The following PIP5K1B variants were observed in gnomAD, a reference collection of about 807,000 sequenced individuals.
PIP5K1B encodes the protein phosphatidylinositol 4-phosphate 5-kinase type-1 beta.
A neutral mutation model predicts 67.0 loss-of-function variants in PIP5K1B; 42 were observed. The observed-to-expected ratio is 0.63, with a 90% CI of 0.49 to 0.81. PIP5K1B has a LOEUF of 0.81. Among genes scored for constraint, PIP5K1B ranks in the 30% least tolerant of loss-of-function variants. The probability of loss-of-function intolerance (pLI) is 0.00; values close to 1 mark genes in which losing one functional copy is unlikely to be tolerated. For missense variants in PIP5K1B, 459 were observed against 646.3 expected (o/e 0.71, Z 3.14); for synonymous variants, 214 against 231.4 (o/e 0.92, Z 0.68).
At chr9:68,805,135 C>T (rs938917216) in intron 2 of PIP5K1B, among the ~76,000 whole-genome samples, 1 of 152,168 alleles carries the variant, frequency 6.6e-6, no homozygotes, top group African/African-American at 2.4e-5. Context: ...ACTGTTGGTG[C>T]AGGCAAGAGG....
At chr9:68,718,505 A>G (rs1417213808) in intron 1 of PIP5K1B, among the ~76,000 whole-genome samples, 1 of 152,204 alleles carries the variant, frequency 6.6e-6, no homozygotes, top group Non-Finnish European at 1.5e-5. Context: ...TTCATTGGCC[A>G]CTGAAGCACA....
intron 2 of PIP5K1B, chr9:68,779,939 A>T: frequency 4.0e-6 from 2 of 495,476 alleles, no homozygotes. Flanking sequence ...TAGCGGCCCG[A>T]CCACTCCTCG....
At chr9:68,732,064 G>A (rs1828463557) in intron 1 of PIP5K1B, among the ~76,000 whole-genome samples, 1 of 152,196 alleles carries the variant, frequency 6.6e-6, no homozygotes, top group Admixed American at 6.5e-5. Flanking sequence ...TGGGGCTGCT[G>A]TGAACTAGTC....
chr9:68,754,415 C>T (rs557624501), intron 2 of PIP5K1B, among the ~76,000 whole-genome samples: 20 of 151,900 alleles, frequency 1.3e-4, no homozygotes, highest in African/African-American at 3.9e-4. Flanking sequence ...GTGATTCACC[C>T]GCCTCAGCCT....
At chr9:68,914,994 C>T (rs192744315) in intron 8 of PIP5K1B, among the ~76,000 whole-genome samples, 6 of 152,252 alleles carry the variant, frequency 3.9e-5, no homozygotes, top group African/African-American at 4.8e-5. Context: ...GATGAGTCAC[C>T]GTGAATTATA....
At chr9:68,988,754 T>G (rs989541378) in intron 14 of PIP5K1B, among the ~76,000 whole-genome samples, 1 of 151,958 alleles carries the variant, frequency 6.6e-6, no homozygotes, top group African/African-American at 2.4e-5. Context: ...CCCAGCCTCT[T>G]TATGACTTTT....
At chr9:68,711,922 C>T (rs981926563) in intron 1 of PIP5K1B, among the ~76,000 whole-genome samples, 1 of 152,158 alleles carries the variant, frequency 6.6e-6, no homozygotes, top group East Asian at 1.9e-4. Flanking sequence ...TAAATATCAC[C>T]TCCTCCTGGC....
At chr9:68,717,226 G>C (rs1827676943) in intron 1 of PIP5K1B, among the ~76,000 whole-genome samples, 1 of 152,120 alleles carries the variant, frequency 6.6e-6, no homozygotes, top group Non-Finnish European at 1.5e-5. Flanking sequence ...TGTAACCCCT[G>C]AATCTAAAAT....
chr9:68,988,966 G>A (rs71503648), intron 14 of PIP5K1B, among the ~76,000 whole-genome samples: 2 of 151,274 alleles, frequency 1.3e-5, no homozygotes, highest in Non-Finnish European at 2.9e-5. Context: ...GTGGTGGCGG[G>A]CGCCTGTAAT....
intron 2 of PIP5K1B, among the ~76,000 whole-genome samples, chr9:68,779,192 A>G (rs530506072): frequency 6.6e-6 from 1 of 152,238 alleles, no homozygotes; most frequent in South Asian, 2.1e-4. Context: ...ATGAGATATC[A>G]AGGTTTTATA....
chr9:68,938,224 T>G (rs1827372694), intron 13 of PIP5K1B, among the ~76,000 whole-genome samples: 1 of 152,204 alleles, frequency 6.6e-6, no homozygotes, highest in African/African-American at 2.4e-5. Context: ...TATTATTGTG[T>G]GGGAGTCTAA....
intron 6 of PIP5K1B, among the ~76,000 whole-genome samples, chr9:68,878,735 G>GT: frequency 6.6e-6 from 1 of 152,316 alleles, no homozygotes; most frequent in African/African-American, 2.4e-5. Context: ...GGCAATAAAT[G>GT]TAAAAACTGA....
chr9:68,730,441 A>G (rs941206064), intron 1 of PIP5K1B, among the ~76,000 whole-genome samples: 3 of 152,234 alleles, frequency 2.0e-5, no homozygotes, highest in Non-Finnish European at 1.5e-5. Flanking sequence ...AATTGAAACT[A>G]ACATTCATTC....
chr9:68,934,284 A>G (rs992141940), intron 12 of PIP5K1B, among the ~76,000 whole-genome samples: 2 of 152,208 alleles, frequency 1.3e-5, no homozygotes, highest in African/African-American at 2.4e-5. Flanking sequence ...TGTTTAGACA[A>G]AGATTGGAAG....
intron 14 of PIP5K1B, among the ~76,000 whole-genome samples, chr9:68,986,174 T>C (rs1830087569): frequency 6.6e-6 from 1 of 152,240 alleles, no homozygotes; most frequent in Non-Finnish European, 1.5e-5. Flanking sequence ...TTTTCTGAAG[T>C]AGCTGTACCG....
intron 6 of PIP5K1B, among the ~76,000 whole-genome samples, chr9:68,879,354 G>A (rs1247529574): frequency 1.3e-5 from 2 of 152,106 alleles, no homozygotes; most frequent in African/African-American, 4.8e-5. Context: ...GATCACTTGA[G>A]GTCAGGAGTT....
At chr9:68,885,821 C>T (rs191077274) in intron 6 of PIP5K1B, among the ~76,000 whole-genome samples, 1 of 152,170 alleles carries the variant, frequency 6.6e-6, no homozygotes, top group Admixed American at 6.6e-5. Flanking sequence ...CACTTGTACC[C>T]CTAAAGCTAT....
At chr9:68,839,949 TTTCTG>T in intron 4 of PIP5K1B, among the ~76,000 whole-genome samples, 1 of 152,266 alleles carries the variant, frequency 6.6e-6, no homozygotes, top group African/African-American at 2.4e-5. Flanking sequence ...CTAGGACCAC[TTTCTG>T]GGACCACACA....
intron 2 of PIP5K1B, among the ~76,000 whole-genome samples, chr9:68,818,202 C>T (rs1246815394): frequency 6.6e-6 from 1 of 152,182 alleles, no homozygotes; most frequent in Non-Finnish European, 1.5e-5. Context: ...CCTCTGGAAA[C>T]CAGGAATCTC....
Sources: allele counts gnomAD v4.1 joint callset (sites outside exome capture counted in the v4.1 genomes callset), GRCh38; gene constraint gnomAD v4.1.1; transcripts MANE v1.5; gene names NCBI Gene and HGNC (gene_info 2026-07-23, HGNC 2026-07-21).